PLAG1: variants seen among roughly 807,000 people sequenced by gnomAD.
PLAG1 encodes PLAG1 zinc finger, also known as zinc finger protein PLAG1.
PLAG1 carries 7 observed loss-of-function variants against 35.5 expected under a neutral mutation model. The ratio of observed to expected loss-of-function variants is 0.20; its 90% CI spans 0.11 to 0.37. PLAG1 has a LOEUF of 0.37. PLAG1 is among the 10% of genes least tolerant of loss of function. PLAG1 has a pLI of 1.00. For missense variants in PLAG1, 454 were observed against 602.8 expected, an observed-to-expected ratio of 0.75 and a Z score of 2.58; for synonymous variants, 229 against 225.4, an observed-to-expected ratio of 1.02 and a Z score of -0.14.
At position 56,165,881 on chromosome 8, in the gene PLAG1, T is replaced by C; in HGVS notation, c.*362A>G. The C allele has an allele frequency of 4.9e-6, 1 of 203,102 alleles. No individual in the cohort carries two copies. Among genetic ancestry groups the C allele is most frequent in the East Asian group, 7.7e-5 (1 of 12,956 alleles). The allele number at this position is 203,102 out of a possible 1,614,324, so 12.6% of individuals were successfully genotyped here. A position where few individuals can be genotyped will look rare whatever the true frequency, so the allele number is the denominator to read the frequency against. On this transcript the variant is annotated 3_prime_UTR_variant, in exon 5 of 5. Coordinates refer to ENST00000316981, the MANE Select transcript of PLAG1 (RefSeq NM_002655.3). ...GCTAAATTTTTTAATGAGCCAGATG[T>C]CAAAAGGTAGAGCCACTGTTATTAG...
intron 1 of PLAG1, among the ~76,000 whole-genome samples, chr8:56,198,597 C>T (rs903234367): frequency 9.2e-5 from 14 of 152,192 alleles, no homozygotes; most frequent in African/African-American, 7.2e-5. Flanking sequence ...TCCCCTATCT[C>T]GCTCCCTCTG....
chr8:56,194,838 G>C (rs1357003705), intron 1 of PLAG1, among the ~76,000 whole-genome samples: 1 of 152,158 alleles, frequency 6.6e-6, no homozygotes, highest in Middle Eastern at 3.2e-3. Context: ...TTGGTCTGGA[G>C]AATCTTGAAC....
rs757118414 is a variant in PLAG1, at chr8:56,166,800, T to C, written c.946A>G (p.Thr316Ala). Reference protein sequence around the residue: ...QMITTLPLGMTCPIDMDTVHP... With the variant: ...QMITTLPLGMACPIDMDTVHP... Reference sequence around the variant, plus strand: ...ACAGTGTCCATATCTATTGGGCATGTCATTCCCAAAGGTAAAGTTGTGATC... The same window carrying C: ...ACAGTGTCCATATCTATTGGGCATGCCATTCCCAAAGGTAAAGTTGTGATC... The change falls in exon 5 of 5, where the codon ACA becomes GCA. Residue 316 changes from threonine to alanine, a missense_variant. Thr to Ala is a moderately conservative substitution (Grantham distance 58). Around this residue, in one of 4 missense-constraint regions of PLAG1, gnomAD observed 271 missense variants for 315.6 expected, o/e 0.86. Coordinates refer to ENST00000316981, the MANE Select transcript of PLAG1 (RefSeq NM_002655.3). 1.2e-6 allele frequency: 2 copies of C among 1,613,428 alleles called. No homozygotes were observed. Among genetic ancestry groups the C allele is most frequent in the Middle Eastern group, 1.6e-4 (1 of 6,084 alleles).
In PLAG1 at chr8:56,168,097, C is replaced by T; in HGVS notation, c.173G>A (p.Gly58Glu). The T allele has an allele frequency of 6.2e-7, 1 of 1,613,528 alleles. No homozygotes were observed. ...KLKVHSYSHT[G>E]ERPYKCIQQD... The stretch of plus-strand genomic sequence containing the variant: ...TTGTATGCACTTGTAGGGCCTCTCT[C>T]CTGTGTGAGAGTAGGAGTGAACCTT... The change falls in exon 4 of 5, where the codon GGA becomes GAA. Residue 58 changes from glycine (G) to glutamate (E), a missense_variant. Physicochemically the swap from Gly to Glu is moderately conservative, Grantham distance 98 (BLOSUM62 -2). Around this residue, in one of 4 missense-constraint regions of PLAG1, gnomAD observed 170 missense variants for 226.3 expected, o/e 0.75. Transcript: ENST00000316981.
chr8:56,195,578 A>T (rs1812336889), intron 1 of PLAG1, among the ~76,000 whole-genome samples: 1 of 152,220 alleles, frequency 6.6e-6, no homozygotes, highest in Admixed American at 6.5e-5. Context: ...TGGTGGAGCC[A>T]CGACCCAGAA....
chr8:56,197,640 C>A (rs1205698213), intron 1 of PLAG1, among the ~76,000 whole-genome samples: 2 of 152,228 alleles, frequency 1.3e-5, no homozygotes, highest in Non-Finnish European at 2.9e-5. Context: ...GCCTCCCACG[C>A]CCACTGTGCT....
At chr8:56,190,042 C>A (rs1241677345) in intron 1 of PLAG1, among the ~76,000 whole-genome samples, 1 of 152,186 alleles carries the variant, frequency 6.6e-6, no homozygotes, top group Non-Finnish European at 1.5e-5. Flanking sequence ...CTGGTGACAG[C>A]AAGTCAAGTG....
At chr8:56,174,872 T>C (rs1811641063) in intron 2 of PLAG1, among the ~76,000 whole-genome samples, 1 of 152,220 alleles carries the variant, frequency 6.6e-6, no homozygotes, top group Admixed American at 6.5e-5. Flanking sequence ...TTAAGTATTA[T>C]AAGTAATTTA....
At chr8:56,174,396 T>C (rs977070794) in intron 2 of PLAG1, among the ~76,000 whole-genome samples, 1 of 152,212 alleles carries the variant, frequency 6.6e-6, no homozygotes. Flanking sequence ...ATAACTTCGG[T>C]GTTTCTGCAT....
intron 1 of PLAG1, among the ~76,000 whole-genome samples, chr8:56,201,960 CT>C (rs71555635): frequency 3.1e-3 from 430 of 136,824 alleles, no homozygotes; most frequent in Non-Finnish European, 2.6e-3. Context: ...TTTTTGGGCT[CT>C]TTTTTTTTTT....
At chr8:56,184,837 A>C (rs1811977147) in intron 1 of PLAG1, among the ~76,000 whole-genome samples, 1 of 152,144 alleles carries the variant, frequency 6.6e-6, no homozygotes, top group South Asian at 2.1e-4. Flanking sequence ...GAATCACTTG[A>C]ACTTGGGAGG....
intron 1 of PLAG1, among the ~76,000 whole-genome samples, chr8:56,208,332 CT>C (rs971594872): frequency 1.7e-4 from 26 of 152,226 alleles, no homozygotes; most frequent in African/African-American, 6.0e-4. Context: ...TAGCTTAATC[CT>C]TTTCCAATCA....
At chr8:56,175,806 T>G (rs1471033244) in intron 2 of PLAG1, among the ~76,000 whole-genome samples, 14 of 152,058 alleles carry the variant, frequency 9.2e-5, no homozygotes. Flanking sequence ...AATTCCAAAG[T>G]GGAATCAGAA....
intron 1 of PLAG1, among the ~76,000 whole-genome samples, chr8:56,210,652 C>A (rs1812858885): frequency 6.6e-6 from 1 of 152,068 alleles, no homozygotes; most frequent in Non-Finnish European, 1.5e-5. Flanking sequence ...GTGGAAAATG[C>A]GGAGAGTTTA....
chr8:56,192,476 G>A (rs1466400375), intron 1 of PLAG1, among the ~76,000 whole-genome samples: 1 of 152,144 alleles, frequency 6.6e-6, no homozygotes, highest in African/African-American at 2.4e-5. Flanking sequence ...AAGTACATGG[G>A]AAACAATCTT....
In PLAG1 at chr8:56,177,430, C is replaced by G. The variant is rs375098602; in HGVS notation, c.-217+1979G>C. On this transcript the variant is annotated intron_variant, in intron 2 of 4. Transcript: ENST00000316981. ...CTCTGCCTCCAGAGGACCCCATGTA[C>G]TCTCCTGGCTGGAACAATTAGAAGA... Among the ~76,000 whole-genome samples the G allele has an allele frequency of 1.3e-4, 20 of 152,316 alleles. No homozygotes were observed. The South Asian group carries it at 3.7e-3, about 28-fold the overall frequency.
chr8:56,200,941 G>T (rs1259544379), intron 1 of PLAG1, among the ~76,000 whole-genome samples: 1 of 151,862 alleles, frequency 6.6e-6, no homozygotes, highest in African/African-American at 2.4e-5. Context: ...TTTCTTTTTC[G>T]CCCAATTCAA....
At chr8:56,189,662 A>G (rs951007956) in intron 1 of PLAG1, among the ~76,000 whole-genome samples, 1 of 152,226 alleles carries the variant, frequency 6.6e-6, no homozygotes, top group Non-Finnish European at 1.5e-5. Flanking sequence ...GTAAGTATAG[A>G]TTAGGTACAG....
chr8:56,174,883 G>A (rs1300428250), intron 2 of PLAG1, among the ~76,000 whole-genome samples: 1 of 152,168 alleles, frequency 6.6e-6, no homozygotes, highest in Non-Finnish European at 1.5e-5. Context: ...AAGTAATTTA[G>A]AGATGATGTG....
Sources: allele counts gnomAD v4.1 joint callset (sites outside exome capture counted in the v4.1 genomes callset), GRCh38; gene constraint gnomAD v4.1.1; regional missense constraint gnomAD v4.1.1; transcripts MANE v1.5; gene names NCBI Gene and HGNC (gene_info 2026-07-23, HGNC 2026-07-21).